ZDHHC4: variants seen among roughly 807,000 people sequenced by gnomAD.
ZDHHC4 encodes the protein zDHHC palmitoyltransferase 4, also known as palmitoyltransferase ZDHHC4.
ZDHHC4 carries 42 observed loss-of-function variants against 36.7 expected under a neutral mutation model. That is an observed-to-expected ratio of 1.14 (90% CI 0.89 to 1.48). ZDHHC4 has a LOEUF of 1.48. Ranked by LOEUF, ZDHHC4 falls within the 40% of genes most tolerant of loss-of-function variation. The pLI, the probability that ZDHHC4 is intolerant of heterozygous loss-of-function variation, is 0.00. For synonymous variants in ZDHHC4, 189 were observed against 166.6 expected (o/e 1.13, Z -1.03); for missense variants, 457 against 421.5 (o/e 1.08, Z -0.74).
Position 6,582,081 on chromosome 7 carries a change from C to T in ZDHHC4, c.200C>T (p.Thr67Ile). 6.2e-7 allele frequency: 1 copy of T among 1,611,740 alleles called. No individual in the cohort carries two copies. The highest frequency in any genetic ancestry group is 8.5e-7 in the Non-Finnish European group (1 of 1,178,460). ...LHYLFHTRNH[T>I]FIVLHLVLQG... ...TGCCTGTTTTCTTTCAGAAACCACA[C>T]CTTCATTGTCCTGCACCTGGTCTTG... The change falls in exon 5 of 8, where the codon ACC becomes ATC. Residue 67 changes from threonine (T) to isoleucine (I), a missense_variant. Physicochemically the swap from Thr to Ile is moderately conservative, Grantham distance 89. Coordinates refer to ENST00000335965, the MANE Select transcript of ZDHHC4 (RefSeq NM_001134389.2).
rs1033150402 is a variant in ZDHHC4 at position 6,581,741 on chromosome 7, G to A, written c.191+61G>A. ...TTCTGCTTTGATTATTAATTGTTGA[G>A]ATCCTCTAGCTTCAGGAAGCTCCTT... On this transcript the variant is annotated intron_variant, in intron 4 of 7. Transcript: ENST00000335965. 3 of 1,371,550 alleles carry A rather than the reference G, an allele frequency of 2.2e-6. No individual in the cohort carries two copies. The African/African-American group carries it at 4.3e-5, about 20-fold the overall frequency. The allele number at this position is 1,371,550 out of a possible 1,614,324, so 85.0% of individuals were successfully genotyped here. A position where few individuals can be genotyped will look rare whatever the true frequency, so the allele number is the denominator to read the frequency against.
chr7:6,580,506 A>T, intron 2 of ZDHHC4, 49 bp from the exon 3 acceptor site: 1 of 1,503,498 alleles, frequency 6.7e-7, no homozygotes, highest in Non-Finnish European at 9.3e-7. Context: ...TGTGCCATGG[A>T]AGAAACCTTT....
rs893926654 is a variant in ZDHHC4, at chr7:6,583,606, T to A, written c.496+175T>A. 7 of 871,740 alleles carry A rather than the reference T, an allele frequency of 8.0e-6. No homozygotes were observed. The African/African-American group carries it at 1.0e-4, about 13-fold the overall frequency. The allele number at this position is 871,740 out of a possible 1,614,324, so 54.0% of individuals were successfully genotyped here. ...CTTTCAGATGAGTGAGGGTCAGGTC[T>A]TGTGTTCCTGTGTAGTAGACAGTCC... On this transcript the variant is annotated intron_variant, in intron 6 of 7. Coordinates refer to ENST00000335965, the MANE Select transcript of ZDHHC4 (RefSeq NM_001134389.2).
Position 6,589,002 on chromosome 7 carries a change from G to C in ZDHHC4, c.*92G>C. The C allele has an allele frequency of 6.7e-7, 1 of 1,482,984 alleles. No individual in the cohort carries two copies. The highest frequency in any genetic ancestry group is 2.0e-5 in the Admixed American group (1 of 51,104). 91.9% of individuals were successfully genotyped at this position (1,482,984 alleles called of 1,614,324 possible). ...GCATGGCTTGTTTGTTTTGATTTCT[G>C]CTGTGCTTATAAATCACTTTCGGTG... On this transcript the variant is annotated 3_prime_UTR_variant, in exon 8 of 8. Coordinates refer to ENST00000335965, the MANE Select transcript of ZDHHC4 (RefSeq NM_001134389.2).
intron 1 of ZDHHC4, among the ~76,000 whole-genome samples, chr7:6,578,256 T>G (rs1366341338): frequency 6.6e-6 from 1 of 152,066 alleles, no homozygotes; most frequent in Non-Finnish European, 1.5e-5. Flanking sequence ...GCCTCCCAAG[T>G]AGCTGGGACC....
At position 6,578,573 on chromosome 7, in the gene ZDHHC4, C is replaced by A. The variant is rs1780610192; in HGVS notation, c.-155C>A. The A allele has an allele frequency of 6.6e-6, 1 of 152,208 alleles. No individual in the cohort carries two copies. The highest frequency in any genetic ancestry group is 2.4e-5 in the African/African-American group (1 of 41,438). The allele number at this position is 152,208 out of a possible 1,614,324, so 9.4% of individuals were successfully genotyped here. ...ATTGATCTGTCTCTGCAGCCAGATC[C>A]AGGCTCCTGGAAGAACCATGTCCGG... On this transcript the variant is annotated 5_prime_UTR_variant, in exon 2 of 8. Coordinates refer to ENST00000335965, the MANE Select transcript of ZDHHC4 (RefSeq NM_001134389.2).
At chr7:6,587,200 A>G (rs1583394125) in intron 7 of ZDHHC4, among the ~76,000 whole-genome samples, 1 of 151,964 alleles carries the variant, frequency 6.6e-6, no homozygotes, top group East Asian at 1.9e-4. Flanking sequence ...AGCCACCATG[A>G]CTGGCCCAGA....
intron 7 of ZDHHC4, 36 bp downstream of exon 7, chr7:6,585,296 G>C (rs1360764933): frequency 1.9e-6 from 3 of 1,592,380 alleles, no homozygotes; most frequent in Admixed American, 3.5e-5. Flanking sequence ...TCAAGTTTCA[G>C]AATCGCAAAA....
At chr7:6,582,374 A>C in intron 5 of ZDHHC4, 123 bp downstream of exon 5, 1 of 950,118 alleles carries the variant, frequency 1.1e-6, no homozygotes, top group Non-Finnish European at 1.6e-6. Flanking sequence ...CATTTTCATT[A>C]CCTTTCAGTT....
chr7:6,585,407 T>G, intron 7 of ZDHHC4, 147 bp downstream of exon 7: 1 of 1,156,596 alleles, frequency 8.6e-7, no homozygotes, highest in Non-Finnish European at 1.2e-6. Flanking sequence ...GAGGATCGCA[T>G]GAGGCTAGGA....
chr7:6,579,675 A>G (rs1339945120), intron 2 of ZDHHC4, among the ~76,000 whole-genome samples: 1 of 152,198 alleles, frequency 6.6e-6, no homozygotes, highest in East Asian at 1.9e-4. Context: ...TTGTCAGCAG[A>G]TTCTTTGGGG....
intron 2 of ZDHHC4, among the ~76,000 whole-genome samples, chr7:6,578,972 G>A (rs878904218): frequency 2.0e-5 from 3 of 151,936 alleles, no homozygotes; most frequent in Admixed American, 1.3e-4. Flanking sequence ...ACAGGCATGC[G>A]CAACCACACT....
chr7:6,583,035 C>A (rs554710147), intron 5 of ZDHHC4, among the ~76,000 whole-genome samples: 1 of 152,038 alleles, frequency 6.6e-6, no homozygotes, highest in Non-Finnish European at 1.5e-5. Flanking sequence ...AAATTAGCCA[C>A]GCGTGCATTA....
chr7:6,577,479 C>G lies in ZDHHC4; in HGVS notation c.-182C>G, dbSNP rs968726530. Reference sequence around the variant, plus strand: ...AGTCTCGTATCGCGCCCGGGAGGCGCCGGAGCCCAGCGGCTGGCGGTAAGG... The same window carrying G: ...AGTCTCGTATCGCGCCCGGGAGGCGGCGGAGCCCAGCGGCTGGCGGTAAGG... On this transcript the variant is annotated 5_prime_UTR_variant, in exon 1 of 8. Coordinates refer to ENST00000335965, the MANE Select transcript of ZDHHC4 (RefSeq NM_001134389.2). The G allele has an allele frequency of 5.9e-5, 9 of 152,198 alleles. No homozygotes were observed. Among genetic ancestry groups the G allele is most frequent in the African/African-American group, 2.2e-4 (9 of 41,464 alleles). The allele number at this position is 152,198 out of a possible 1,614,324, so 9.4% of individuals were successfully genotyped here.
At position 6,588,167 on chromosome 7, in the gene ZDHHC4, T is replaced by C. The variant is rs143309575; in HGVS notation, c.742-450T>C. Among the ~76,000 whole-genome samples, 868 of 152,210 alleles carry C rather than the reference T, an allele frequency of 5.7e-3. 7 individuals are homozygous for C. The highest frequency in any genetic ancestry group is 0.018 in the African/African-American group (757 of 41,542). On this transcript the variant is annotated intron_variant, in intron 7 of 7. Transcript: ENST00000335965. ...GGCGTGAGCCATTGCGCCCGGCCCCTGTTTCTATTTATTAAGAAAAGGAAA... is the reference window on the plus strand; with the variant it reads ...GGCGTGAGCCATTGCGCCCGGCCCCCGTTTCTATTTATTAAGAAAAGGAAA...
At chr7:6,581,578 T>C (rs2115163376) in intron 3 of ZDHHC4, 29 bp from the exon 4 acceptor site, 2 of 1,551,654 alleles carry the variant, frequency 1.3e-6, no homozygotes, top group Non-Finnish European at 1.8e-6. Flanking sequence ...AGAAATGAAA[T>C]TGAGTCTTTC....
chr7:6,578,173 G>C lies in ZDHHC4; in HGVS notation c.-162-393G>C, dbSNP rs897844861. On this transcript the variant is annotated intron_variant, in intron 1 of 7. Transcript: ENST00000335965. ...GATGGGGTCCAGCTCTATGGCCCAG[G>C]CTGGAAGGCAGTGGCACGATCACAG... 3.3e-5 allele frequency among the ~76,000 whole-genome samples: 5 copies of C among 152,108 alleles called. No individual in the cohort carries two copies. In the South Asian group the frequency reaches 1.0e-3, roughly 32 times the overall value.
At chr7:6,582,581 G>A (rs979754147) in intron 5 of ZDHHC4, among the ~76,000 whole-genome samples, 2 of 152,074 alleles carry the variant, frequency 1.3e-5, no homozygotes, top group Non-Finnish European at 1.5e-5. Context: ...GCAGTGAGGC[G>A]ATCTCAGCTC....
intron 6 of ZDHHC4, 33 bp from the exon 7 acceptor site, chr7:6,584,983 C>T (rs371255132): frequency 3.1e-6 from 5 of 1,610,622 alleles, no homozygotes; most frequent in African/African-American, 2.7e-5. Flanking sequence ...CGTCAAGCAC[C>T]ATCCCAGCAC....
Sources: allele counts gnomAD v4.1 joint callset (sites outside exome capture counted in the v4.1 genomes callset), GRCh38; gene constraint gnomAD v4.1.1; transcripts MANE v1.5; gene names NCBI Gene and HGNC (gene_info 2026-07-23, HGNC 2026-07-21).